The following ZNF521 variants were observed in gnomAD, a reference collection of about 807,000 sequenced individuals.
ZNF521 encodes the protein zinc finger protein 521.
Under a neutral mutation model 105.5 loss-of-function variants are expected in ZNF521, and 14 were observed. The ratio of observed to expected loss-of-function variants is 0.13; its 90% confidence interval spans 0.09 to 0.21. The LOEUF is 0.21. ZNF521 is among the 10% of genes least tolerant of loss of function. The pLI is 1.00. For synonymous variants in ZNF521, 635 were observed against 606.0 expected (o/e 1.05, Z -0.70); for missense variants, 1,233 against 1,629.7 (o/e 0.76, Z 4.19).
At chr18:25,164,141 T>TC (rs898366035) in intron 5 of ZNF521, among the ~76,000 whole-genome samples, 31 of 152,144 alleles carry the variant, frequency 2.0e-4, no homozygotes, top group African/African-American at 6.0e-4. Flanking sequence ...TAGGGTGGTA[T>TC]CCCCCCCACT....
At chr18:25,086,991 T>C (rs1227759330) in intron 7 of ZNF521, among the ~76,000 whole-genome samples, 3 of 152,198 alleles carry the variant, frequency 2.0e-5, no homozygotes, top group Non-Finnish European at 4.4e-5. Flanking sequence ...TTATTTGCCC[T>C]TTATACTCTC....
At chr18:25,351,889 AGCAGCGGCGGCAGCGGCGGCG>A (rs1028127720) in intron 1 of ZNF521, 95 bp downstream of exon 1, 19 of 278,418 alleles carry the variant, frequency 6.8e-5, no homozygotes, top group Admixed American at 3.0e-4. Context: ...CGGCGGCGGC[AGCAGCGGCGGCAGCGGCGGCG>A]GCAGCGGCGG....
intron 3 of ZNF521, chr18:25,302,903 C>T (rs1332804750): frequency 1.3e-5 from 2 of 152,086 alleles, no homozygotes; most frequent in Admixed American, 6.5e-5. Context: ...CGAAAAAAAT[C>T]GTGAGCAATA....
At chr18:25,154,900 A>G (rs2144500712) in intron 5 of ZNF521, among the ~76,000 whole-genome samples, 1 of 152,256 alleles carries the variant, frequency 6.6e-6, no homozygotes, top group Admixed American at 6.5e-5. Flanking sequence ...TTCTTTGGGT[A>G]TATGGCCAGA....
At chr18:25,106,003 G>A (rs1230366879) in intron 5 of ZNF521, among the ~76,000 whole-genome samples, 1 of 152,104 alleles carries the variant, frequency 6.6e-6, no homozygotes, top group Non-Finnish European at 1.5e-5. Flanking sequence ...GGCCAAAAAT[G>A]TGGTATTCGT....
chr18:25,076,617 C>A (rs1178134083), intron 7 of ZNF521, among the ~76,000 whole-genome samples: 1 of 152,104 alleles, frequency 6.6e-6, no homozygotes, highest in African/African-American at 2.4e-5. Flanking sequence ...ATGAATGAGC[C>A]AATTCACTTA....
intron 4 of ZNF521, among the ~76,000 whole-genome samples, chr18:25,217,972 T>C (rs1427469754): frequency 1.3e-5 from 2 of 152,070 alleles, no homozygotes; most frequent in African/African-American, 2.4e-5. Context: ...GAGAGGTTAT[T>C]TGGGGAGAAG....
chr18:25,266,958 C>T (rs1173258133), intron 3 of ZNF521, among the ~76,000 whole-genome samples: 2 of 152,168 alleles, frequency 1.3e-5, no homozygotes, highest in African/African-American at 4.8e-5. Context: ...TGGGCTGAAG[C>T]CAGGGAGCCA....
chr18:25,128,090 A>C (rs965117170), intron 5 of ZNF521, among the ~76,000 whole-genome samples: 1 of 151,980 alleles, frequency 6.6e-6, no homozygotes, highest in Non-Finnish European at 1.5e-5. Context: ...ATATTAGCAA[A>C]TTGAATCCAA....
At chr18:25,330,022 T>C (rs1354916694) in intron 2 of ZNF521, among the ~76,000 whole-genome samples, 1 of 152,122 alleles carries the variant, frequency 6.6e-6, no homozygotes, top group Non-Finnish European at 1.5e-5. Flanking sequence ...GGTGGAGCCA[T>C]TCCTAGACAG....
chr18:25,170,604 G>A (rs1336917567), intron 5 of ZNF521, among the ~76,000 whole-genome samples: 2 of 152,076 alleles, frequency 1.3e-5, no homozygotes, highest in African/African-American at 4.8e-5. Context: ...CACATGAGTT[G>A]TTAACTATCT....
rs139337801 is a variant in ZNF521, at chr18:25,291,577, G to C, written c.220+30431C>G. Among the ~76,000 whole-genome samples the C allele has an allele frequency of 2.1e-4, 32 of 152,232 alleles. No homozygotes were observed. The East Asian group carries it at 6.0e-3, about 29-fold the overall frequency. ...CCTCCTAAGCAGTTAGTTGAATTGT[G>C]AGGCTCATCTTCCACCAGGAGAAAT... On this transcript the variant is annotated intron_variant, in intron 3 of 7. Coordinates refer to ENST00000361524, the MANE Select transcript of ZNF521 (RefSeq NM_015461.3).
chr18:25,077,950 A>C (rs1216889258), intron 7 of ZNF521, among the ~76,000 whole-genome samples: 1 of 152,144 alleles, frequency 6.6e-6, no homozygotes. Context: ...GAAAAAAAAA[A>C]CATTTACTCT....
At chr18:25,267,836 A>G (rs2144924792) in intron 3 of ZNF521, among the ~76,000 whole-genome samples, 1 of 152,312 alleles carries the variant, frequency 6.6e-6, no homozygotes, top group South Asian at 2.1e-4. Context: ...AACAACACAA[A>G]AAGCCTGAAA....
At chr18:25,241,374 A>G (rs1218921594) in intron 3 of ZNF521, among the ~76,000 whole-genome samples, 1 of 152,230 alleles carries the variant, frequency 6.6e-6, no homozygotes. Flanking sequence ...ATCAAACCAC[A>G]ACGCATTGCC....
At chr18:25,332,098 C>A (rs1192272025) in intron 2 of ZNF521, among the ~76,000 whole-genome samples, 1 of 151,260 alleles carries the variant, frequency 6.6e-6, no homozygotes, top group Non-Finnish European at 1.5e-5. Flanking sequence ...TCAGCAGCTC[C>A]AAATGGCTGT....
At chr18:25,332,343 A>G (rs1365302748) in intron 2 of ZNF521, among the ~76,000 whole-genome samples, 1 of 98,784 alleles carries the variant, frequency 1.0e-5, no homozygotes, top group Non-Finnish European at 2.1e-5. Context: ...ATGAAAGATC[A>G]CAGCAAAAAA....
chr18:25,107,793 T>C (rs570717433), intron 5 of ZNF521, among the ~76,000 whole-genome samples: 5 of 152,346 alleles, frequency 3.3e-5, no homozygotes, highest in African/African-American at 7.2e-5. Flanking sequence ...CCTCTCCTTA[T>C]ACTTAACCTT....
chr18:25,116,888 C>T (rs866297561), intron 5 of ZNF521, among the ~76,000 whole-genome samples: 5 of 133,982 alleles, frequency 3.7e-5, no homozygotes, highest in South Asian at 4.8e-4. Context: ...TATATATATA[C>T]GTATATATAT....
Sources: allele counts gnomAD v4.1 joint callset (sites outside exome capture counted in the v4.1 genomes callset), GRCh38; gene constraint gnomAD v4.1.1; transcripts MANE v1.5; gene names NCBI Gene and HGNC (gene_info 2026-07-23, HGNC 2026-07-21).